The following MDM2 variants were observed in gnomAD, a reference collection of about 807,000 sequenced individuals.
MDM2 encodes the protein MDM2 proto-oncogene, also known as E3 ubiquitin-protein ligase Mdm2.
A neutral mutation model predicts 64.3 loss-of-function variants in MDM2; 11 were observed. That is an observed-to-expected ratio of 0.17 (90% confidence interval 0.11 to 0.28). MDM2 has a LOEUF of 0.28. MDM2 is among the 10% of genes least tolerant of loss of function. The probability of loss-of-function intolerance (pLI) is 1.00; values close to 1 mark genes in which losing one functional copy is unlikely to be tolerated. For synonymous variants in MDM2, 194 were observed against 192.9 expected (o/e 1.01, Z -0.05); for missense variants, 388 against 577.1 (o/e 0.67, Z 3.36).
At chr12:68,815,433 CTTTTTTTTTTT>C (rs58178593) in intron 3 of MDM2, among the ~76,000 whole-genome samples, 2 of 93,064 alleles carry the variant, frequency 2.1e-5, no homozygotes, top group East Asian at 3.3e-4. Context: ...GTTTCTTCTT[CTTTTTTTTTTT>C]TTTTTTTTTT....
chr12:68,810,968 C>T (rs772361012), intron 2 of MDM2, among the ~76,000 whole-genome samples: 9 of 152,028 alleles, frequency 5.9e-5, no homozygotes, highest in Admixed American at 1.3e-4. Context: ...CGGGTTCAAG[C>T]GATTCTCTTG....
chr12:68,847,661 G>C (rs1434719984), downstream of MDM2: 3 of 151,606 alleles, frequency 2.0e-5, no homozygotes, highest in South Asian at 2.1e-4. Flanking sequence ...CACCGTGTTA[G>C]CCAAGATGGT....
chr12:68,839,877 T>G lies in MDM2; in HGVS notation c.*28T>G. On this transcript the variant is annotated 3_prime_UTR_variant, in exon 11 of 11. Transcript: ENST00000258149. ...GACCTGTCTATAAGAGAATTATATA[T>G]TTCTAACTATATAACCCTAGGAATT... 1 of 1,584,032 alleles carries G rather than the reference T, an allele frequency of 6.3e-7. No homozygotes were observed. Among genetic ancestry groups the G allele is most frequent in the Non-Finnish European group, 8.6e-7 (1 of 1,158,620 alleles).
At chr12:68,817,762 A>AT (rs1447666447) in intron 4 of MDM2, among the ~76,000 whole-genome samples, 1 of 151,672 alleles carries the variant, frequency 6.6e-6, no homozygotes, top group South Asian at 2.1e-4. Flanking sequence ...TGAAAAAAAA[A>AT]TTTTTTTAAT....
chr12:68,814,285 C>T (rs913171993), intron 3 of MDM2, among the ~76,000 whole-genome samples: 5 of 152,150 alleles, frequency 3.3e-5, no homozygotes, highest in African/African-American at 9.7e-5. Flanking sequence ...AACTCCTAGT[C>T]TCAGGTGATC....
chr12:68,823,800 C>T (rs1214355012), intron 5 of MDM2, among the ~76,000 whole-genome samples: 1 of 152,094 alleles, frequency 6.6e-6, no homozygotes, highest in African/African-American at 2.4e-5. Context: ...TGCAACATCG[C>T]ATTAAGGAAG....
chr12:68,826,324 G>A (rs1047481381), intron 7 of MDM2, among the ~76,000 whole-genome samples: 3 of 151,964 alleles, frequency 2.0e-5, no homozygotes, highest in African/African-American at 7.3e-5. Context: ...GTAAAAGTGG[G>A]TAAAAATTGA....
chr12:68,808,494 A>G lies in MDM2; in HGVS notation c.14+3A>G, dbSNP rs769890846. Reference sequence around the variant, plus strand: ...AAACCCCGGATGGTGAGGAGCAGGTACTGGCCCGGCAGCGAGCGGTCACTT... The same window carrying G: ...AAACCCCGGATGGTGAGGAGCAGGTGCTGGCCCGGCAGCGAGCGGTCACTT... On this transcript the variant is annotated splice_donor_region_variant and intron_variant, in intron 1 of 10. Coordinates refer to ENST00000258149, the MANE Select transcript of MDM2 (RefSeq NM_002392.6). 13 of 1,613,998 alleles carry G rather than the reference A, an allele frequency of 8.1e-6. No homozygotes were observed. The African/African-American group carries it at 1.7e-4, about 22-fold the overall frequency.
Position 68,843,820 on chromosome 12 carries a change from C to A in MDM2, c.*3971C>A, listed in dbSNP as rs559295677. On this transcript the variant is annotated 3_prime_UTR_variant, in exon 11 of 11. Transcript: ENST00000258149. Reference sequence around the variant, plus strand: ...CTTCAGCTACAACCAAGCAGAATCTCTTTTTTTTGGAGGTCCTCGAAGCAT... The same window carrying A: ...CTTCAGCTACAACCAAGCAGAATCTATTTTTTTTGGAGGTCCTCGAAGCAT... 3 of 219,018 alleles carry A rather than the reference C, an allele frequency of 1.4e-5. No homozygotes were observed. Among genetic ancestry groups the A allele is most frequent in the African/African-American group, 4.5e-5 (2 of 44,316 alleles). 13.6% of individuals were successfully genotyped at this position (219,018 alleles called of 1,614,324 possible).
intron 2 of MDM2, among the ~76,000 whole-genome samples, chr12:68,811,589 T>C (rs1880897361): frequency 6.6e-6 from 1 of 150,804 alleles, no homozygotes. Context: ...TACTGATGGC[T>C]TTCCATTACA....
intron 5 of MDM2, among the ~76,000 whole-genome samples, chr12:68,822,123 G>T (rs898622338): frequency 6.6e-6 from 1 of 152,078 alleles, no homozygotes; most frequent in Non-Finnish European, 1.5e-5. Flanking sequence ...AAGTTTAGGG[G>T]TTACAGGCAT....
intron 4 of MDM2, among the ~76,000 whole-genome samples, chr12:68,819,242 A>G (rs1881649479): frequency 6.6e-6 from 1 of 152,222 alleles, no homozygotes; most frequent in South Asian, 2.1e-4. Flanking sequence ...GAGAAACAAT[A>G]TTTTGTGACA....
In MDM2 at chr12:68,842,006, T is replaced by C. The variant is rs7134724; in HGVS notation, c.*2157T>C. On this transcript the variant is annotated 3_prime_UTR_variant, in exon 11 of 11. Transcript: ENST00000258149. Reference sequence around the variant, plus strand: ...CTGCAGCTGTTGCAAGGTGTTCAGATTGTATAAACATAAATGTCACAAAAA... The same window carrying C: ...CTGCAGCTGTTGCAAGGTGTTCAGACTGTATAAACATAAATGTCACAAAAA... The C allele has an allele frequency of 2.3e-3, 921 of 401,796 alleles. 6 individuals carry two copies. The highest frequency in any genetic ancestry group is 0.017 in the African/African-American group (833 of 49,460). The allele number at this position is 401,796 out of a possible 1,614,324, so 24.9% of individuals were successfully genotyped here.
chr12:68,818,577 A>G (rs183238532), intron 4 of MDM2, among the ~76,000 whole-genome samples: 71 of 148,218 alleles, frequency 4.8e-4, no homozygotes, highest in African/African-American at 1.7e-3. Context: ...TAATATAATT[A>G]TATATATTAC....
chr12:68,831,252 CACAG>C (rs944911787), intron 8 of MDM2, among the ~76,000 whole-genome samples: 12 of 152,168 alleles, frequency 7.9e-5, no homozygotes, highest in Non-Finnish European at 1.6e-4. Context: ...CTCCCCCTTA[CACAG>C]ACAGAGGGAG....
chr12:68,817,016 C>T, intron 4 of MDM2, 71 bp downstream of exon 4: 1 of 1,524,706 alleles, frequency 6.6e-7, no homozygotes, highest in Non-Finnish European at 8.8e-7. Flanking sequence ...TACCCTCATT[C>T]ACTTTTGTCA....
intron 8 of MDM2, among the ~76,000 whole-genome samples, chr12:68,831,042 C>T (rs565234740): frequency 1.1e-4 from 16 of 152,246 alleles, no homozygotes; most frequent in Non-Finnish European, 2.1e-4. Context: ...TATCAGAATT[C>T]TAGCTGAATG....
At chr12:68,838,425 C>T (rs972000278) in intron 10 of MDM2, among the ~76,000 whole-genome samples, 2 of 152,082 alleles carry the variant, frequency 1.3e-5, no homozygotes, top group Non-Finnish European at 2.9e-5. Flanking sequence ...GATGAGAACA[C>T]AGGAAAGGAT....
In MDM2 at chr12:68,808,281, G is replaced by A; in HGVS notation, c.-197G>A. The A allele has an allele frequency of 1.6e-6, 1 of 642,090 alleles. No homozygotes were observed. The highest frequency in any genetic ancestry group is 1.8e-5 in the South Asian group (1 of 54,144). 39.8% of individuals were successfully genotyped at this position (642,090 alleles called of 1,614,324 possible). ...GAAGCCGAGCCCGAGGGGCGGCCGC[G>A]ACCCCTCTGACCGAGATCCTGCTGC... On this transcript the variant is annotated 5_prime_UTR_variant, in exon 1 of 11. Transcript: ENST00000258149.
Sources: allele counts gnomAD v4.1 joint callset (sites outside exome capture counted in the v4.1 genomes callset), GRCh38; gene constraint gnomAD v4.1.1; transcripts MANE v1.5; gene names NCBI Gene and HGNC (gene_info 2026-07-23, HGNC 2026-07-21).